The following SIGLEC5 variants were observed in gnomAD, a reference collection of about 807,000 sequenced individuals.
SIGLEC5 encodes the protein sialic acid binding Ig like lectin 5.
SIGLEC5 carries 34 observed loss-of-function variants against 45.9 expected under a neutral mutation model. The ratio of observed to expected loss-of-function variants is 0.74; its 90% CI spans 0.56 to 0.99. The LOEUF (loss-of-function observed/expected upper bound fraction) is 0.99. SIGLEC5 is among the 50% of genes least tolerant of loss of function. The pLI is 0.00. For synonymous variants in SIGLEC5, 203 were observed against 258.6 expected, an observed-to-expected ratio of 0.79 and a Z score of 2.06; for missense variants, 508 against 629.6, an observed-to-expected ratio of 0.81 and a Z score of 2.07.
In SIGLEC5 at chr19:51,630,027, T is replaced by G; in HGVS notation, c.227A>C (p.Asn76Thr). 1.3e-6 allele frequency: 1 copy of G among 765,948 alleles called. No homozygotes were observed. The highest frequency in any genetic ancestry group is 1.5e-5 in the South Asian group (1 of 66,294). 47.4% of individuals were successfully genotyped at this position (765,948 alleles called of 1,614,324 possible). ...TGGCTTCACTCTTCTGTCTGGGTTG[T>G]TTGTGGCCACAACCTCAGCGTAGTA... is the stretch of plus-strand genomic sequence containing the variant. ...IPYYAEVVAT[N>T]NPDRRVKPET... Residue 76 changes from asparagine (N) to threonine (T), a missense_variant, in exon 2 of 9, where the codon AAC becomes ACC. Transcript: ENST00000683636.
Position 51,627,879 on chromosome 19 carries a change from G to T in SIGLEC5, c.952C>A (p.His318Asn), listed in dbSNP as rs752777277. The T allele has an allele frequency of 6.2e-7, 1 of 1,612,558 alleles. No individual in the cohort carries two copies. Among genetic ancestry groups the T allele is most frequent in the Non-Finnish European group, 8.5e-7 (1 of 1,179,318 alleles). ...AAAATTTGCAGGAAGCCCAGCGGGT[G>T]CTGAGCGCGGCAGGTGAAGCCTCCT... ...EEGGFTCRAQ[H>N]PLGFLQIFLN... is the part of the protein sequence containing the mutation. The change falls in exon 5 of 9, where the codon CAC becomes AAC. Residue 318 changes from histidine to asparagine, a missense_variant. His to Asn is a moderately conservative substitution (Grantham distance 68). Coordinates refer to ENST00000683636, the MANE Select transcript of SIGLEC5 (RefSeq NM_003830.4).
intron 8 of SIGLEC5, among the ~76,000 whole-genome samples, chr19:51,613,871 A>T (rs542690130): frequency 2.0e-5 from 3 of 152,090 alleles, no homozygotes; most frequent in Admixed American, 6.5e-5. Flanking sequence ...ATAGACCCTG[A>T]CCTAGGCAGG....
At chr19:51,616,263 G>C (rs1241622104) in intron 8 of SIGLEC5, among the ~76,000 whole-genome samples, 3 of 152,194 alleles carry the variant, frequency 2.0e-5, no homozygotes, top group Non-Finnish European at 4.4e-5. Context: ...CAAGTACTAG[G>C]ACGCTTTGGT....
In SIGLEC5 at chr19:51,629,495, A is replaced by AG. The variant is rs1465995235; in HGVS notation, c.562dup (p.Leu188ProfsTer83). 7 of 1,608,812 alleles carry AG rather than the reference A, an allele frequency of 4.4e-6. No individual in the cohort carries two copies. Among genetic ancestry groups the AG allele is most frequent in the Middle Eastern group, 1.7e-4 (1 of 5,838 alleles). On this transcript the variant is annotated frameshift_variant, in exon 3 of 9. Coordinates refer to ENST00000683636, the MANE Select transcript of SIGLEC5 (RefSeq NM_003830.4). LOFTEE classifies it high-confidence loss of function. ...CGAGGAGCGGGTGGTCTCGGGGTCC[A>AG]GGGGGCTGAGGGCATTCCCCGTCCA... is the stretch of plus-strand genomic sequence containing the variant.
At chr19:51,624,350 G>A (rs529869943) in intron 8 of SIGLEC5, among the ~76,000 whole-genome samples, 24 of 152,098 alleles carry the variant, frequency 1.6e-4, no homozygotes, top group Admixed American at 5.2e-4. Flanking sequence ...GACAACACTA[G>A]GAAGACAAGA....
intron 5 of SIGLEC5, 33 bp downstream of exon 5, chr19:51,627,801 T>C (rs781470987): frequency 6.3e-7 from 1 of 1,579,472 alleles, no homozygotes; most frequent in Non-Finnish European, 8.6e-7. Context: ...TTTAATACCA[T>C]GCAGTTCCTG....
intron 8 of SIGLEC5, among the ~76,000 whole-genome samples, chr19:51,624,053 G>A (rs1983388616): frequency 6.6e-6 from 1 of 152,096 alleles, no homozygotes; most frequent in Non-Finnish European, 1.5e-5. Flanking sequence ...CAGCTACTCA[G>A]GAAGCTGAGG....
At chr19:51,623,284 A>C (rs910122661) in intron 8 of SIGLEC5, among the ~76,000 whole-genome samples, 2 of 152,360 alleles carry the variant, frequency 1.3e-5, no homozygotes, top group Middle Eastern at 6.8e-3. Context: ...AAAGGTACTC[A>C]ATAGAAAAGA....
chr19:51,614,687 A>G (rs1456886739), intron 8 of SIGLEC5, among the ~76,000 whole-genome samples: 1 of 152,230 alleles, frequency 6.6e-6, no homozygotes, highest in African/African-American at 2.4e-5. Flanking sequence ...TCAGATTAGT[A>G]AATAGGACAA....
chr19:51,618,792 CAAAAAA>C (rs398035001), intron 8 of SIGLEC5, among the ~76,000 whole-genome samples: 946 of 48,302 alleles, frequency 0.02, 7 homozygotes, highest in African/African-American at 0.073. Context: ...ACTCTGTCTC[CAAAAAA>C]AAAAAAAAAA....
chr19:51,624,589 AAGAGG>A (rs1983408706), intron 8 of SIGLEC5, among the ~76,000 whole-genome samples: 1 of 152,114 alleles, frequency 6.6e-6, no homozygotes. Context: ...AATTTTATAA[AAGAGG>A]AGAGGAGACA....
chr19:51,613,672 A>G (rs1331459953), intron 8 of SIGLEC5, among the ~76,000 whole-genome samples: 1 of 152,052 alleles, frequency 6.6e-6, no homozygotes, highest in Non-Finnish European at 1.5e-5. Context: ...ATCATCACCA[A>G]AAAAAAACCC....
chr19:51,620,039 A>G (rs1031856985), intron 8 of SIGLEC5, among the ~76,000 whole-genome samples: 7 of 138,066 alleles, frequency 5.1e-5, no homozygotes, highest in African/African-American at 1.9e-4. Context: ...AAAGAATGCC[A>G]CCCATATCCT....
chr19:51,623,683 A>C (rs535695290), intron 8 of SIGLEC5, among the ~76,000 whole-genome samples: 1 of 152,360 alleles, frequency 6.6e-6, no homozygotes, highest in African/African-American at 2.4e-5. Flanking sequence ...ATAAATGGAT[A>C]TAATTGCTTT....
At chr19:51,621,763 T>C (rs1983292787) in intron 8 of SIGLEC5, 2 of 152,112 alleles carry the variant, frequency 1.3e-5, no homozygotes. Flanking sequence ...CAAGACCAAC[T>C]TGTGATTTTT....
In SIGLEC5 at chr19:51,627,911, G is replaced by C; in HGVS notation, c.920C>G (p.Ala307Gly). 1 of 1,614,078 alleles carries C rather than the reference G, an allele frequency of 6.2e-7. No individual in the cohort carries two copies. The highest frequency in any genetic ancestry group is 8.5e-7 in the Non-Finnish European group (1 of 1,179,976). The change falls in exon 5 of 9, where the codon GCA becomes GGA. Residue 307 changes from alanine to glycine, a missense_variant. Physicochemically the swap from Ala to Gly is moderately conservative, Grantham distance 60 (BLOSUM62 0). Coordinates refer to ENST00000683636, the MANE Select transcript of SIGLEC5 (RefSeq NM_003830.4). ...GCGGCAGGTGAAGCCTCCTTCTTCT[G>C]CAGACCTTACTCGACGAAGCTCCAA... ...GILELRRVRS[A>G]EEGGFTCRAQ...
Position 51,612,392 on chromosome 19 carries a change from G to A in SIGLEC5, c.1495C>T (p.Pro499Ser), listed in dbSNP as rs3829655. 6.2e-7 allele frequency: 1 copy of A among 1,612,250 alleles called. No homozygotes were observed. Among genetic ancestry groups the A allele is most frequent in the Non-Finnish European group, 8.5e-7 (1 of 1,179,186 alleles). ...CCAGGAGGAGATGCTTGATCTCCGG[G>A]GCTGTCTGGCCAGGGCTTCTTCCTG... is the stretch of plus-strand genomic sequence containing the variant. ...GSRKKPWPDS[P>S]GDQASPPGDA... The change falls in exon 9 of 9, where the codon CCC becomes TCC. Residue 499 changes from proline to serine, a missense_variant. Coordinates refer to ENST00000683636, the MANE Select transcript of SIGLEC5 (RefSeq NM_003830.4).
chr19:51,623,337 T>C (rs1195762779), intron 8 of SIGLEC5, among the ~76,000 whole-genome samples: 1 of 152,172 alleles, frequency 6.6e-6, no homozygotes, highest in Non-Finnish European at 1.5e-5. Context: ...GGAACTTATG[T>C]TCATTGAAGA....
intron 8 of SIGLEC5, among the ~76,000 whole-genome samples, chr19:51,615,069 G>T (rs1318906336): frequency 6.6e-6 from 1 of 152,172 alleles, no homozygotes; most frequent in Non-Finnish European, 1.5e-5. Flanking sequence ...ACCATGCTGT[G>T]CCTCGCTTTA....
Sources: allele counts gnomAD v4.1 joint callset (sites outside exome capture counted in the v4.1 genomes callset), GRCh38; gene constraint gnomAD v4.1.1; transcripts MANE v1.5; gene names NCBI Gene and HGNC (gene_info 2026-07-23, HGNC 2026-07-21).